Variants in TBC1D19 observed in about 807,000 individuals in gnomAD.
TBC1D19 encodes TBC1 domain family member 19.
TBC1D19 carries 60 observed loss-of-function variants against 89.0 expected under a neutral mutation model. That is an observed-to-expected ratio of 0.67 (90% CI 0.55 to 0.84). TBC1D19 has a LOEUF of 0.84. TBC1D19 is among the 40% of genes least tolerant of loss of function. TBC1D19 has a pLI of 0.00. For missense variants in TBC1D19, 500 were observed against 610.8 expected (o/e 0.82, Z 1.91); for synonymous variants, 189 against 199.7 (o/e 0.95, Z 0.45).
chr4:26,665,800 G>A (rs1711757686), intron 8 of TBC1D19, among the ~76,000 whole-genome samples: 1 of 151,872 alleles, frequency 6.6e-6, no homozygotes, highest in African/African-American at 2.4e-5. Context: ...TTTCAGGAAA[G>A]GTTTAAAGTT....
At chr4:26,764,079 A>C in the TBC1D19 span, among the ~76,000 whole-genome samples, 1 of 152,216 alleles carries the variant, frequency 6.6e-6, no homozygotes, top group South Asian at 2.1e-4. Flanking sequence ...TAGAATTTGC[A>C]ATCAAGTATA....
chr4:26,848,941 C>G, the TBC1D19 span, among the ~76,000 whole-genome samples: 1 of 152,072 alleles, frequency 6.6e-6, no homozygotes, highest in African/African-American at 2.4e-5. Flanking sequence ...ACCTGTAATA[C>G]CAGCACTTTG....
At chr4:26,585,477 A>T (rs1270790928) in intron 1 of TBC1D19, among the ~76,000 whole-genome samples, 1 of 134,204 alleles carries the variant, frequency 7.5e-6, no homozygotes, top group Non-Finnish European at 1.5e-5. Flanking sequence ...TCTGCCCATT[A>T]AAAAAAAAAT....
At chr4:26,812,265 C>G in the TBC1D19 span, among the ~76,000 whole-genome samples, 1 of 152,110 alleles carries the variant, frequency 6.6e-6, no homozygotes, top group South Asian at 2.1e-4. The surrounding 1 kb of genome is among the most constrained non-coding windows in gnomAD (Gnocchi z 4.2). Flanking sequence ...ATAGATGGAC[C>G]CTCCCCCAGC....
At chr4:26,726,162 C>G (rs893348358) in intron 15 of TBC1D19, among the ~76,000 whole-genome samples, 2 of 149,218 alleles carry the variant, frequency 1.3e-5, no homozygotes, top group Non-Finnish European at 3.0e-5. Flanking sequence ...CACACACACA[C>G]ACACACACAC....
chr4:26,576,892 G>A, intron 1 of TBC1D19: 1 of 455,416 alleles, frequency 2.2e-6, no homozygotes, highest in Non-Finnish European at 4.4e-6. Flanking sequence ...GTGTCAAATT[G>A]GCTAGGCTAT....
the TBC1D19 span, among the ~76,000 whole-genome samples, chr4:26,779,649 A>C: frequency 4.6e-3 from 701 of 152,298 alleles, 5 homozygotes; most frequent in Non-Finnish European, 6.7e-3. Flanking sequence ...TCAGGCCATA[A>C]CACAGAGGAG....
In TBC1D19 at chr4:26,640,098, A is replaced by G. The variant is rs754207725; in HGVS notation, c.434-43A>G. ...TAACATTTATTTAATAAGCCTTCAT[A>G]TATTATTAGCTGAAATTTTGTTTAT... On this transcript the variant is annotated intron_variant, in intron 6 of 20. Coordinates refer to ENST00000264866, the MANE Select transcript of TBC1D19 (RefSeq NM_018317.4). 27 of 1,316,306 alleles carry G rather than the reference A, an allele frequency of 2.1e-5. No individual in the cohort carries two copies. The South Asian group carries it at 3.2e-4, about 16-fold the overall frequency. 81.5% of individuals were successfully genotyped at this position (1,316,306 alleles called of 1,614,324 possible). A position where few individuals can be genotyped will look rare whatever the true frequency, so the allele number is the denominator to read the frequency against.
chr4:26,727,607 T>C (rs1288765580), intron 15 of TBC1D19, among the ~76,000 whole-genome samples: 1 of 152,186 alleles, frequency 6.6e-6, no homozygotes, highest in African/African-American at 2.4e-5. Flanking sequence ...CCAATGAAGT[T>C]GATCTTGTTT....
chr4:26,758,090 T>C (rs1394669657), downstream of TBC1D19, among the ~76,000 whole-genome samples: 1 of 152,176 alleles, frequency 6.6e-6, no homozygotes, highest in Non-Finnish European at 1.5e-5. Flanking sequence ...CCCCAAAATT[T>C]TTCTCTGTTG....
Position 26,739,841 on chromosome 4 carries a change from ATAAAT to A in TBC1D19, c.1118-19_1118-15del, listed in dbSNP as rs745913548. Reference sequence around the variant, plus strand: ...AACATTTCAGTAGTTCTGCAGTATTATAAATTAATTTTTTTCTTTCAGTTGCACCA... The same window carrying A: ...AACATTTCAGTAGTTCTGCAGTATTATAATTTTTTTCTTTCAGTTGCACCA... On this transcript the variant is annotated intron_variant, in intron 16 of 20. Transcript: ENST00000264866. 7.2e-7 allele frequency: 1 copy of A among 1,380,940 alleles called. No individual in the cohort carries two copies. Among genetic ancestry groups the A allele is most frequent in the Non-Finnish European group, 1.0e-6 (1 of 1,002,526 alleles). 85.5% of individuals were successfully genotyped at this position (1,380,940 alleles called of 1,614,324 possible).
chr4:26,730,217 G>A (rs1717569718), intron 15 of TBC1D19, among the ~76,000 whole-genome samples: 1 of 152,146 alleles, frequency 6.6e-6, no homozygotes, highest in African/African-American at 2.4e-5. Context: ...ATGAGTACCT[G>A]TTATATTCTG....
intron 6 of TBC1D19, 60 bp from the exon 7 acceptor site, chr4:26,640,081 A>G: frequency 8.5e-7 from 1 of 1,170,924 alleles, no homozygotes; most frequent in East Asian, 2.4e-5. Context: ...ATTAACATTT[A>G]TTTAATAAGC....
chr4:26,614,676 A>G (rs1355649788), intron 3 of TBC1D19, among the ~76,000 whole-genome samples: 1 of 151,870 alleles, frequency 6.6e-6, no homozygotes, highest in Admixed American at 6.6e-5. Context: ...CCACTATTGA[A>G]TTTTTTTATT....
intron 1 of TBC1D19, among the ~76,000 whole-genome samples, chr4:26,605,223 T>G (rs1430636884): frequency 1.9e-5 from 2 of 102,716 alleles, no homozygotes; most frequent in South Asian, 3.9e-4. Flanking sequence ...CCCACAACAG[T>G]CCCCGGAGTG....
At chr4:26,823,977 A>G in the TBC1D19 span, among the ~76,000 whole-genome samples, 9 of 152,342 alleles carry the variant, frequency 5.9e-5, no homozygotes, top group East Asian at 1.5e-3. Flanking sequence ...TGATGGGCAC[A>G]TGGCCCAGGC....
rs543624536 is a variant in TBC1D19 at position 26,650,320 on chromosome 4, G to A, written c.481-9277G>A. 7.9e-4 allele frequency among the ~76,000 whole-genome samples: 120 copies of A among 152,062 alleles called. 3 individuals are homozygous for A. The South Asian group carries it at 0.021, about 26-fold the overall frequency. ...TCCACAATGGTTGAACTAGTTTACA[G>A]TCCCACCAACAGTGTAAAAGTGTTC... On this transcript the variant is annotated intron_variant, in intron 7 of 20. Transcript: ENST00000264866.
At chr4:26,611,580 T>A (rs1741383694) in intron 1 of TBC1D19, among the ~76,000 whole-genome samples, 1 of 152,168 alleles carries the variant, frequency 6.6e-6, no homozygotes, top group Admixed American at 6.6e-5. Context: ...TGTCTGATTA[T>A]CTCTTTTGCA....
At chr4:26,640,346 C>A (rs1743415719) in intron 7 of TBC1D19, among the ~76,000 whole-genome samples, 159 bp downstream of exon 7, 1 of 152,128 alleles carries the variant, frequency 6.6e-6, no homozygotes, top group Non-Finnish European at 1.5e-5. Flanking sequence ...GAAAATTACC[C>A]TTGGAAAATA....
Sources: allele counts gnomAD v4.1 joint callset (sites outside exome capture counted in the v4.1 genomes callset), GRCh38; gene constraint gnomAD v4.1.1; non-coding constraint Gnocchi (gnomAD v3.1); transcripts MANE v1.5; gene names NCBI Gene and HGNC (gene_info 2026-07-23, HGNC 2026-07-21).